Variants in SASH3 observed in about 807,000 individuals in gnomAD.
SASH3 encodes the protein SAM and SH3 domain containing 3.
In SASH3, 7 loss-of-function variants were observed where a neutral mutation model predicts 26.1. The ratio of observed to expected loss-of-function variants is 0.27; its 90% CI spans 0.15 to 0.50. The LOEUF (loss-of-function observed/expected upper bound fraction) is 0.50. Ranked by LOEUF, SASH3 falls within the 20% of genes least tolerant of loss-of-function variation. The pLI, the probability that SASH3 is intolerant of heterozygous loss-of-function variation, is 0.98. For synonymous variants in SASH3, 138 were observed against 136.8 expected (o/e 1.01, Z -0.06); for missense variants, 231 against 318.3 (o/e 0.73, Z 2.09).
intron 2 of SASH3, 67 bp downstream of exon 2, chrX:129,788,137 G>GGGCGGGC: frequency 2.8e-6 from 1 of 354,273 alleles, no homozygotes; most frequent in African/African-American, 2.7e-5. Flanking sequence ...GGGTGGGAGG[G>GGGCGGGC]AAGAGGGTGA....
Position 129,789,125 on chromosome X carries a change from GAA to G in SASH3, c.300+550_300+551del, listed in dbSNP as rs1452628871. Reference sequence around the variant, plus strand: ...TCAAAAAAAAAAAGAAAGAAAGAAAGAAAGAAAGAAAGAAAGAAAGAAAGAAA... The same window carrying G: ...TCAAAAAAAAAAAGAAAGAAAGAAAGAGAAAGAAAGAAAGAAAGAAAGAAA... On this transcript the variant is annotated intron_variant, in intron 3 of 7. Transcript: ENST00000356892. Among the ~76,000 whole-genome samples, 5 of 40,616 alleles carry G rather than the reference GAA, an allele frequency of 1.2e-4. No individual in the cohort carries two copies. In the South Asian group the frequency reaches 8.8e-3, roughly 72 times the overall value. 35.3% of individuals were successfully genotyped at this position (40,616 alleles called of 115,157 possible). A position where few individuals can be genotyped will look rare whatever the true frequency, so the allele number is the denominator to read the frequency against.
At chrX:129,788,109 C>A in intron 2 of SASH3, 39 bp downstream of exon 2, 1 of 660,700 alleles carries the variant, frequency 1.5e-6, no homozygotes, top group Non-Finnish European at 2.3e-6. Flanking sequence ...TGGCTGCAGG[C>A]CCTGGGCAGG....
rs1374058569 is a variant in SASH3 at position 129,793,726 on chromosome X, C to T, written c.1037C>T (p.Pro346Leu). The T allele has an allele frequency of 3.3e-6, 4 of 1,210,849 alleles. No homozygotes were observed. Among genetic ancestry groups the T allele is most frequent in the Non-Finnish European group, 4.5e-6 (4 of 895,253 alleles). Residue 346 changes from proline to leucine, a missense_variant, in exon 8 of 8, where the codon CCG becomes CTG. Physicochemically the swap from Pro to Leu is moderately conservative, Grantham distance 98. Coordinates refer to ENST00000356892, the MANE Select transcript of SASH3 (RefSeq NM_018990.4). Reference sequence around the variant, plus strand: ...GTGTCGGAACCCAAGGTGGACATCCCGCGCGACTCAGGCTGCTTTGAGGGC... The same window carrying T: ...GTGTCGGAACCCAAGGTGGACATCCTGCGCGACTCAGGCTGCTTTGAGGGC... ...HTVSEPKVDI[P>L]RDSGCFEGSE...
chrX:129,788,134 A>C (rs1185732170), intron 2 of SASH3, 64 bp downstream of exon 2: 10 of 266,956 alleles, frequency 3.7e-5, no homozygotes, highest in East Asian at 8.3e-5. Flanking sequence ...TGGGGGTGGG[A>C]GGGAAGAGGG....
intron 6 of SASH3, 39 bp downstream of exon 6, chrX:129,792,875 G>T (rs1441340598): frequency 1.4e-5 from 17 of 1,178,394 alleles, no homozygotes; most frequent in Non-Finnish European, 1.9e-5. Flanking sequence ...GTATCAGGGA[G>T]GCACAACTGC....
chrX:129,793,558 C>G, intron 7 of SASH3, 84 bp from the exon 8 acceptor site: 8 of 1,023,468 alleles, frequency 7.8e-6, no homozygotes, highest in Non-Finnish European at 1.1e-5. Flanking sequence ...GGCAGGTGCC[C>G]AGAAGGAGAG....
chrX:129,791,438 G>A (rs1927229761), intron 4 of SASH3, among the ~76,000 whole-genome samples: 2 of 111,959 alleles, frequency 1.8e-5, no homozygotes, highest in South Asian at 7.3e-4. Flanking sequence ...GGACCAGCCC[G>A]TCCCCACCTT....
At chrX:129,788,137 G>GGGGGGGGGGGGGGGGGGGTTGGT in intron 2 of SASH3, 67 bp downstream of exon 2, 1 of 354,277 alleles carries the variant, frequency 2.8e-6, no homozygotes, top group East Asian at 6.3e-5. Context: ...GGGTGGGAGG[G>GGGGGGGGGGGGGGGGGGGTTGGT]AAGAGGGTGA....
intron 1 of SASH3, among the ~76,000 whole-genome samples, chrX:129,786,139 G>A (rs965444033): frequency 1.3e-4 from 14 of 110,582 alleles, no homozygotes; most frequent in African/African-American, 4.6e-4. Context: ...GGGCAACACA[G>A]AGGAGGCTTT....
intron 1 of SASH3, among the ~76,000 whole-genome samples, chrX:129,785,197 G>A (rs1927086468): frequency 9.0e-6 from 1 of 110,830 alleles, no homozygotes; most frequent in African/African-American, 3.3e-5. Context: ...AACAGTGTAT[G>A]GTACCACCTC....
rs781095398 is a variant in SASH3, at chrX:129,787,965, C to T, written c.58-10C>T. 3.3e-6 allele frequency: 4 copies of T among 1,202,503 alleles called. No homozygotes were observed. Among genetic ancestry groups the T allele is most frequent in the Non-Finnish European group, 4.5e-6 (4 of 888,894 alleles). On this transcript the variant is annotated splice_polypyrimidine_tract_variant and intron_variant, in intron 1 of 7. Transcript: ENST00000356892. ...TAGCCCACTGATTGCAACACCCACC[C>T]TTTTTCCAGCTCTCCCTTCAGCGCT...
Position 129,788,554 on chromosome X carries a change from G to A in SASH3, c.277G>A (p.Val93Met), listed in dbSNP as rs146852075. ...GAACAGGAAGATGGGCAAGATGATG[G>A]TGAAGGCCCTGTCAGAAGAGATGGT... ...TMNRKMGKMM[V>M]KALSEEMADT... The change falls in exon 3 of 8, where the codon GTG becomes ATG. Residue 93 changes from valine (V) to methionine (M), a missense_variant. Transcript: ENST00000356892. The A allele has an allele frequency of 4.1e-6, 5 of 1,210,478 alleles. No homozygotes were observed. The African/African-American group carries it at 8.7e-5, about 21-fold the overall frequency.
chrX:129,785,283 T>C (rs771412964), intron 1 of SASH3, among the ~76,000 whole-genome samples: 7 of 110,654 alleles, frequency 6.3e-5, no homozygotes, highest in Middle Eastern at 4.7e-3. Context: ...GCTCAAGAAT[T>C]TCAACTCAAC....
intron 1 of SASH3, among the ~76,000 whole-genome samples, chrX:129,782,284 C>T (rs759436438): frequency 5.3e-5 from 6 of 112,160 alleles, no homozygotes; most frequent in East Asian, 2.8e-4. Context: ...CAAGTGTGCA[C>T]GTGCATACCA....
chrX:129,788,137 G>GGGGGGGGGGGGGGGGGGGGGGCTGGC, intron 2 of SASH3, 67 bp downstream of exon 2: 1 of 354,275 alleles, frequency 2.8e-6, no homozygotes, highest in Admixed American at 3.5e-5. Context: ...GGGTGGGAGG[G>GGGGGGGGGGGGGGGGGGGGGGCTGGC]AAGAGGGTGA....
At chrX:129,790,822 G>A in intron 3 of SASH3, 118 bp from the exon 4 acceptor site, 1 of 776,459 alleles carries the variant, frequency 1.3e-6, no homozygotes, top group Admixed American at 3.1e-5. Flanking sequence ...CAGCCTATAA[G>A]TGGTAGAGTT....
chrX:129,788,088 C>A lies in SASH3; in HGVS notation c.153+18C>A. ...ATGATAACGTGAGTTTCAGGGCATCCTTGTGGGATCTGGCTGCAGGCCCTG... is the reference window on the plus strand; with the variant it reads ...ATGATAACGTGAGTTTCAGGGCATCATTGTGGGATCTGGCTGCAGGCCCTG... On this transcript the variant is annotated intron_variant, in intron 2 of 7. Transcript: ENST00000356892. 1 of 677,311 alleles carries A rather than the reference C, an allele frequency of 1.5e-6. No individual in the cohort carries two copies. The highest frequency in any genetic ancestry group is 2.1e-6 in the Non-Finnish European group (1 of 484,751). The allele number at this position is 677,311 out of a possible 1,213,427, so 55.8% of individuals were successfully genotyped here. A position where few individuals can be genotyped will look rare whatever the true frequency, so the allele number is the denominator to read the frequency against.
chrX:129,785,293 C>T (rs1014774737), intron 1 of SASH3, among the ~76,000 whole-genome samples: 2 of 111,060 alleles, frequency 1.8e-5, no homozygotes, highest in Non-Finnish European at 3.8e-5. Context: ...TTCAACTCAA[C>T]CCTGAATGGG....
At position 129,792,421 on chromosome X, in the gene SASH3, G is replaced by A. The variant is rs900176699; in HGVS notation, c.536G>A (p.Arg179Gln). The change falls in exon 5 of 8, where the codon CGA (arginine) becomes CAA (glutamine). Residue 179 changes from arginine (R) to glutamine (Q), a missense_variant. Arg to Gln is a conservative substitution (Grantham distance 43). Transcript: ENST00000356892. ...ACAGGGCCTTTCTGTGGCCGGGCAC[G>A]AGTCCACACCGACTTCACTCCCAGC... ...QYTGPFCGRA[R>Q]VHTDFTPSPY... The A allele has an allele frequency of 5.8e-6, 7 of 1,209,914 alleles. No homozygotes were observed. The African/African-American group carries it at 8.8e-5, about 15-fold the overall frequency.
Sources: allele counts gnomAD v4.1 joint callset (sites outside exome capture counted in the v4.1 genomes callset), GRCh38; gene constraint gnomAD v4.1.1; transcripts MANE v1.5; gene names NCBI Gene and HGNC (gene_info 2026-07-23, HGNC 2026-07-21).